Variants in ARHGAP15 observed in about 807,000 individuals in gnomAD.
ARHGAP15 encodes rho GTPase-activating protein 15.
A neutral mutation model predicts 63.7 loss-of-function variants in ARHGAP15; 51 were observed. The ratio of observed to expected loss-of-function variants is 0.80; its 90% confidence interval spans 0.64 to 1.01. The LOEUF (loss-of-function observed/expected upper bound fraction) is 1.01. Ranked by LOEUF, ARHGAP15 falls within the 50% of genes least tolerant of loss-of-function variation. The pLI is 0.00. For missense variants in ARHGAP15, 560 were observed against 564.6 expected (o/e 0.99, Z 0.08); for synonymous variants, 191 against 193.8 (o/e 0.99, Z 0.12).
intron 6 of ARHGAP15, among the ~76,000 whole-genome samples, chr2:143,268,266 C>A (rs1222099520): frequency 6.6e-6 from 1 of 151,686 alleles, no homozygotes; most frequent in Non-Finnish European, 1.5e-5. Context: ...AACAAAAAGG[C>A]CCTCAAACAA....
chr2:143,475,981 A>G (rs1394183366), intron 8 of ARHGAP15, among the ~76,000 whole-genome samples: 1 of 152,204 alleles, frequency 6.6e-6, no homozygotes, highest in East Asian at 1.9e-4. Flanking sequence ...GCATTGTTGG[A>G]GTTAACCAAG....
chr2:143,529,291 A>G (rs1399490660), intron 10 of ARHGAP15, among the ~76,000 whole-genome samples: 1 of 152,084 alleles, frequency 6.6e-6, no homozygotes, highest in Non-Finnish European at 1.5e-5. Context: ...ACCAAGCCTC[A>G]TGAGCTCTAC....
chr2:143,450,338 T>G (rs1323387854), intron 8 of ARHGAP15, among the ~76,000 whole-genome samples: 1 of 151,958 alleles, frequency 6.6e-6, no homozygotes, highest in Non-Finnish European at 1.5e-5. Context: ...CTTCCAGAAC[T>G]GCAGGTCATT....
At chr2:143,612,846 T>C (rs1698308998) in intron 11 of ARHGAP15, among the ~76,000 whole-genome samples, 1 of 152,230 alleles carries the variant, frequency 6.6e-6, no homozygotes, top group Admixed American at 6.5e-5. Context: ...AAAGTTGAAC[T>C]AATAACAGTA....
intron 6 of ARHGAP15, among the ~76,000 whole-genome samples, chr2:143,413,960 T>C (rs918914341): frequency 1.3e-3 from 82 of 64,430 alleles, no homozygotes; most frequent in South Asian, 6.1e-3. Flanking sequence ...TGTGTGTGTG[T>C]GTGTGTGCGC....
intron 11 of ARHGAP15, chr2:143,563,836 T>C (rs991802400): frequency 1.3e-5 from 2 of 152,258 alleles, no homozygotes; most frequent in African/African-American, 4.8e-5. Context: ...GTTCCCGGCC[T>C]TGACTGCATA....
intron 13 of ARHGAP15, among the ~76,000 whole-genome samples, chr2:143,709,178 A>G (rs942019832): frequency 2.2e-4 from 33 of 152,330 alleles, no homozygotes; most frequent in African/African-American, 7.0e-4. Flanking sequence ...GTCTTTCCAC[A>G]GAGCTAAATT....
intron 6 of ARHGAP15, among the ~76,000 whole-genome samples, chr2:143,304,064 C>T (rs1574241745): frequency 6.6e-6 from 1 of 152,018 alleles, no homozygotes; most frequent in Admixed American, 6.6e-5. Context: ...CAAGGATCTA[C>T]AACTAGAAAT....
chr2:143,507,380 G>A (rs1411806507), intron 9 of ARHGAP15, among the ~76,000 whole-genome samples: 1 of 152,136 alleles, frequency 6.6e-6, no homozygotes, highest in Non-Finnish European at 1.5e-5. Context: ...TCTTGCAGTG[G>A]TTTTAGAGTT....
At chr2:143,390,542 C>T (rs1687489204) in intron 6 of ARHGAP15, among the ~76,000 whole-genome samples, 1 of 152,096 alleles carries the variant, frequency 6.6e-6, no homozygotes, top group South Asian at 2.1e-4. Context: ...AAGATGTGCA[C>T]ACAGATTGAA....
At chr2:143,377,051 G>C (rs1460125905) in intron 6 of ARHGAP15, among the ~76,000 whole-genome samples, 1 of 152,056 alleles carries the variant, frequency 6.6e-6, no homozygotes, top group African/African-American at 2.4e-5. Context: ...GGAAGTACAA[G>C]TTTTGGATTT....
intron 11 of ARHGAP15, among the ~76,000 whole-genome samples, chr2:143,565,239 A>G (rs1696176234): frequency 6.6e-6 from 1 of 152,186 alleles, no homozygotes; most frequent in Non-Finnish European, 1.5e-5. Flanking sequence ...TTTAACATTA[A>G]GGAATCCCAA....
chr2:143,715,078 T>TG (rs1239928517), intron 13 of ARHGAP15, among the ~76,000 whole-genome samples: 2 of 151,398 alleles, frequency 1.3e-5, no homozygotes, highest in Non-Finnish European at 2.9e-5. Context: ...TACTCAAGAC[T>TG]GGGAAAAAAA....
chr2:143,401,707 A>G (rs769431361), intron 6 of ARHGAP15, among the ~76,000 whole-genome samples: 12 of 151,958 alleles, frequency 7.9e-5, no homozygotes, highest in Admixed American at 2.6e-4. Flanking sequence ...TTTATTTCTA[A>G]TTACTTATAC....
intron 6 of ARHGAP15, among the ~76,000 whole-genome samples, chr2:143,338,224 C>A (rs1684895224): frequency 6.6e-6 from 1 of 152,104 alleles, no homozygotes; most frequent in Admixed American, 6.5e-5. Flanking sequence ...GAAGTCCAAT[C>A]AAGAGCAGAG....
intron 6 of ARHGAP15, among the ~76,000 whole-genome samples, chr2:143,358,978 G>T (rs1685925256): frequency 6.6e-6 from 1 of 151,068 alleles, no homozygotes; most frequent in Non-Finnish European, 1.5e-5. Context: ...TTAAAATCAT[G>T]GAGTAATTCA....
chr2:143,675,634 C>G (rs954837536), intron 12 of ARHGAP15, among the ~76,000 whole-genome samples: 5 of 152,134 alleles, frequency 3.3e-5, no homozygotes, highest in African/African-American at 7.2e-5. Flanking sequence ...AATACATTGA[C>G]AGTGATCTGC....
intron 6 of ARHGAP15, among the ~76,000 whole-genome samples, chr2:143,340,525 C>T (rs1205942846): frequency 1.5e-5 from 1 of 68,912 alleles, no homozygotes; most frequent in Non-Finnish European, 3.9e-5. Flanking sequence ...CAGATTTTTT[C>T]TCTTTTTTTT....
At chr2:143,358,563 G>A (rs1574328735) in intron 6 of ARHGAP15, among the ~76,000 whole-genome samples, 2 of 150,782 alleles carry the variant, frequency 1.3e-5, no homozygotes, top group African/African-American at 4.9e-5. Flanking sequence ...TTATTTTTTA[G>A]GAAAAGGCAC....
Sources: gnomAD v4.1 joint callset for allele counts (sites outside exome capture counted in the v4.1 genomes callset) on GRCh38, gnomAD v4.1.1 for gene constraint, MANE v1.5 for transcripts, NCBI Gene and HGNC (gene_info 2026-07-23, HGNC 2026-07-21) for gene names.